Variants in TSG101 observed in about 807,000 individuals in gnomAD.
The protein encoded by TSG101 is tumor susceptibility 101.
TSG101 carries 19 observed loss-of-function variants against 48.5 expected under a neutral mutation model. The ratio of observed to expected loss-of-function variants is 0.39; its 90% confidence interval spans 0.27 to 0.58. TSG101 has a LOEUF of 0.58. TSG101 is among the 20% of genes least tolerant of loss of function. The pLI, the probability that TSG101 is intolerant of heterozygous loss-of-function variation, is 0.55. For synonymous variants in TSG101, 174 were observed against 169.4 expected (o/e 1.03, Z -0.21); for missense variants, 365 against 484.4 (o/e 0.75, Z 2.31).
At position 18,502,571 on chromosome 11, in the gene TSG101, G is replaced by A; in HGVS notation, c.555C>T (p.Tyr185=). Residue 185 remains tyrosine, a synonymous_variant, in exon 7 of 10, where the codon TAC becomes TAT. Coordinates refer to ENST00000251968, the MANE Select transcript of TSG101 (RefSeq NM_006292.4). ...CACCAGGTGGGTAAGGACAGCCTGG[G>A]TAACCACTAAAGACAAGAACAAAAA... ...PSGYPPNPSG[Y]PGCPYPPGGP... 1 of 1,611,178 alleles carries A rather than the reference G, an allele frequency of 6.2e-7. No individual in the cohort carries two copies. Among genetic ancestry groups the A allele is most frequent in the Non-Finnish European group, 8.5e-7 (1 of 1,178,670 alleles).
At chr11:18,525,032 T>A (rs1328047350) in intron 1 of TSG101, among the ~76,000 whole-genome samples, 3 of 150,508 alleles carry the variant, frequency 2.0e-5, no homozygotes, top group Non-Finnish European at 4.4e-5. Context: ...CATCTCAGCC[T>A]CCCGAGTAGG....
chr11:18,482,320 C>T (rs1489876726), intron 8 of TSG101, among the ~76,000 whole-genome samples: 2 of 152,244 alleles, frequency 1.3e-5, no homozygotes, highest in Non-Finnish European at 2.9e-5. Context: ...CAAAGTATCA[C>T]ACGCAGGTGC....
chr11:18,518,697 A>G (rs1019082078), intron 2 of TSG101, among the ~76,000 whole-genome samples: 1 of 152,142 alleles, frequency 6.6e-6, no homozygotes, highest in African/African-American at 2.4e-5. Flanking sequence ...CTGAAAATAT[A>G]AAGAGACACT....
At chr11:18,521,030 T>TG (rs1043446294) in intron 1 of TSG101, among the ~76,000 whole-genome samples, 7 of 149,868 alleles carry the variant, frequency 4.7e-5, no homozygotes, top group African/African-American at 1.7e-4. Flanking sequence ...GACTCCGTCT[T>TG]GGAAAAAAAA....
intron 6 of TSG101, among the ~76,000 whole-genome samples, chr11:18,503,710 C>A (rs888987609): frequency 1.3e-5 from 2 of 152,108 alleles, no homozygotes; most frequent in Non-Finnish European, 2.9e-5. Context: ...TGTCTCAGGA[C>A]ATGATTTTCA....
chr11:18,499,555 C>T (rs1490925358), intron 7 of TSG101, among the ~76,000 whole-genome samples: 6 of 148,354 alleles, frequency 4.0e-5, no homozygotes, highest in Non-Finnish European at 8.9e-5. Context: ...GGATTACAGG[C>T]GTGCGCCACC....
intron 8 of TSG101, 33 bp downstream of exon 8, chr11:18,483,837 C>T (rs1242256319): frequency 6.2e-7 from 1 of 1,610,486 alleles, no homozygotes; most frequent in Non-Finnish European, 8.5e-7. Context: ...ACAATTCAAT[C>T]CAAAAATTTT....
rs558488414 is a variant in TSG101, at chr11:18,526,883, G to A, written c.-67C>T. On this transcript the variant is annotated 5_prime_UTR_variant, in exon 1 of 10. It adds an upstream start codon to the 5' untranslated region. Transcript: ENST00000251968. The stretch of plus-strand genomic sequence containing the variant: ...AGCCGCTGCTGGGCTGCCCCAGACC[G>A]TCCCACACAATCGCACACCCCCAAC... 3.2e-6 allele frequency: 5 copies of A among 1,546,092 alleles called. No individual in the cohort carries two copies. Among genetic ancestry groups the A allele is most frequent in the Admixed American group, 1.8e-5 (1 of 54,310 alleles).
At chr11:18,521,359 CTTTTTTTTT>C (rs917563952) in intron 1 of TSG101, among the ~76,000 whole-genome samples, 56 of 99,794 alleles carry the variant, frequency 5.6e-4, no homozygotes, top group African/African-American at 1.6e-3. Flanking sequence ...AAACTGATTC[CTTTTTTTTT>C]TTTTTTTTTT....
At chr11:18,484,627 A>G (rs530833239) in intron 7 of TSG101, among the ~76,000 whole-genome samples, 4 of 152,354 alleles carry the variant, frequency 2.6e-5, no homozygotes, top group Admixed American at 2.6e-4. Context: ...AAAGAATGAC[A>G]TCCAAAAAAT....
intron 7 of TSG101, among the ~76,000 whole-genome samples, chr11:18,496,450 A>C (rs80291312): frequency 0.075 from 1,901 of 25,254 alleles, 64 homozygotes; most frequent in East Asian, 0.24. Flanking sequence ...TCAAAAATAA[A>C]ATAAAATAAA....
intron 1 of TSG101, among the ~76,000 whole-genome samples, chr11:18,524,821 G>A (rs1681067792): frequency 6.6e-6 from 1 of 152,032 alleles, no homozygotes; most frequent in Admixed American, 6.5e-5. Flanking sequence ...CTCTAGGGAA[G>A]CTTAGGAAAC....
chr11:18,501,976 T>G (rs996272385), intron 7 of TSG101, among the ~76,000 whole-genome samples: 6 of 152,168 alleles, frequency 3.9e-5, no homozygotes, highest in Admixed American at 1.3e-4. Flanking sequence ...GTGGTGCAGG[T>G]AGTGGGAGAT....
Position 18,509,675 on chromosome 11 carries a change from G to A in TSG101, c.358-10C>T, listed in dbSNP as rs1565091761. On this transcript the variant is annotated splice_polypyrimidine_tract_variant and intron_variant, in intron 4 of 9. Transcript: ENST00000251968. Reference sequence around the variant, plus strand: ...ACAAGTCTGACTGTGGCTACAAAATGAAAAAAAATTCAAGTCAGCTACAGA... The same window carrying A: ...ACAAGTCTGACTGTGGCTACAAAATAAAAAAAAATTCAAGTCAGCTACAGA... The A allele has an allele frequency of 7.7e-6, 12 of 1,561,644 alleles. No homozygotes were observed. Among genetic ancestry groups the A allele is most frequent in the Admixed American group, 5.7e-5 (3 of 52,648 alleles).
At chr11:18,517,185 C>CTT (rs879379932) in intron 2 of TSG101, among the ~76,000 whole-genome samples, 2 of 142,160 alleles carry the variant, frequency 1.4e-5, no homozygotes, top group Non-Finnish European at 1.5e-5. Flanking sequence ...CCATGCCCAG[C>CTT]TTTTTTTTTT....
intron 1 of TSG101, among the ~76,000 whole-genome samples, chr11:18,524,966 A>G (rs1850342924): frequency 6.8e-6 from 1 of 146,256 alleles, no homozygotes; most frequent in Non-Finnish European, 1.5e-5. Flanking sequence ...GCTGGAGTGC[A>G]GTGGCCTGAT....
At chr11:18,513,514 G>C (rs1046528873) in intron 4 of TSG101, among the ~76,000 whole-genome samples, 1 of 151,808 alleles carries the variant, frequency 6.6e-6, no homozygotes, top group African/African-American at 2.4e-5. Context: ...TGCCCAGGCT[G>C]GTCTCAAACT....
Position 18,499,043 on chromosome 11 carries a change from T to C in TSG101, c.640+3443A>G, listed in dbSNP as rs555583738. 7.9e-5 allele frequency among the ~76,000 whole-genome samples: 12 copies of C among 151,082 alleles called. No individual in the cohort carries two copies. The South Asian group carries it at 2.5e-3, about 31-fold the overall frequency. ...CATGACCAGTTTTAGCAAAATGGTATGAGAAAAAGTCCAAAAGGAGGTTTA... is the reference window on the plus strand; with the variant it reads ...CATGACCAGTTTTAGCAAAATGGTACGAGAAAAAGTCCAAAAGGAGGTTTA... On this transcript the variant is annotated intron_variant, in intron 7 of 9. Transcript: ENST00000251968.
At chr11:18,523,499 T>TTTTA (rs1362641308) in intron 1 of TSG101, among the ~76,000 whole-genome samples, 1 of 152,122 alleles carries the variant, frequency 6.6e-6, no homozygotes, top group African/African-American at 2.4e-5. Context: ...ATTTTATTAT[T>TTTTA]TTTATTTATT....
Sources: allele counts gnomAD v4.1 joint callset (sites outside exome capture counted in the v4.1 genomes callset), GRCh38; gene constraint gnomAD v4.1.1; transcripts MANE v1.5; gene names NCBI Gene and HGNC (gene_info 2026-07-23, HGNC 2026-07-21).